Variants in PRDM10 observed in about 807,000 individuals in gnomAD.
The protein encoded by PRDM10 is PR/SET domain 10.
In PRDM10, 65 loss-of-function variants were observed where a neutral mutation model predicts 133.1. The observed-to-expected ratio is 0.49, with a 90% CI of 0.40 to 0.60. PRDM10 has a LOEUF of 0.60. Ranked by LOEUF, PRDM10 falls within the 20% of genes least tolerant of loss-of-function variation. PRDM10 has a pLI of 0.00. For missense variants in PRDM10, 1,137 were observed against 1,507.1 expected (o/e 0.75, Z 4.07); for synonymous variants, 582 against 580.4 (o/e 1.00, Z -0.04).
At chr11:129,907,057 G>A (rs1289852301) in intron 19 of PRDM10, among the ~76,000 whole-genome samples, 1 of 151,598 alleles carries the variant, frequency 6.6e-6, no homozygotes, top group Non-Finnish European at 1.5e-5. Flanking sequence ...AATAAACATC[G>A]ATGGCTCCTA....
chr11:129,923,095 A>G lies in PRDM10; in HGVS notation c.2034+153T>C, dbSNP rs1340390888. ...TGAGTAAGTTTTCCCCCTTAATTTT[A>G]TAACTAAGTCAAACACAAGGCCCAA... On this transcript the variant is annotated intron_variant, in intron 13 of 20. Coordinates refer to ENST00000360871, the MANE Select transcript of PRDM10 (RefSeq NM_199437.2). This position sits in a 1 kb window ranked among gnomAD's most constrained non-coding sequence, Gnocchi z 4.4. Among the ~76,000 whole-genome samples the G allele has an allele frequency of 1.3e-5, 2 of 152,202 alleles. No individual in the cohort carries two copies. The highest frequency in any genetic ancestry group is 4.8e-5 in the African/African-American group (2 of 41,458).
Position 129,932,205 on chromosome 11 carries a change from C to T in PRDM10, c.1184G>A (p.Gly395Asp). ...SRTRGRGRGR[G>D]KRRFGPGRRP... The stretch of plus-strand genomic sequence containing the variant: ...TCGACCTGGACCGAATCGCCTCTTG[C>T]CTCGTCCCCTTCCTCTGCCTCTTGT... Residue 395 changes from glycine (G) to aspartate (D), a missense_variant, in exon 10 of 21, where the codon GGC (glycine) becomes GAC (aspartate). Around this residue, in one of 6 missense-constraint regions of PRDM10, gnomAD observed 635 missense variants for 835.2 expected, o/e 0.76. Coordinates refer to ENST00000360871, the MANE Select transcript of PRDM10 (RefSeq NM_199437.2). 1.9e-6 allele frequency: 3 copies of T among 1,614,070 alleles called. No homozygotes were observed. The highest frequency in any genetic ancestry group is 1.7e-6 in the Non-Finnish European group (2 of 1,179,988).
In PRDM10 at chr11:129,947,577, G is replaced by C; in HGVS notation, c.295-207C>G. 7.0e-7 allele frequency: 1 copy of C among 1,428,638 alleles called. No homozygotes were observed. Among genetic ancestry groups the C allele is most frequent in the Non-Finnish European group, 9.2e-7 (1 of 1,092,566 alleles). The allele number at this position is 1,428,638 out of a possible 1,614,324, so 88.5% of individuals were successfully genotyped here. On this transcript the variant is annotated intron_variant, in intron 4 of 20. Coordinates refer to ENST00000360871, the MANE Select transcript of PRDM10 (RefSeq NM_199437.2). This position sits in a 1 kb window ranked among gnomAD's most constrained non-coding sequence, Gnocchi z 4.6. ...TGATCTGACTGCTCACAGCCTTTAAGCCTCTGCCCTCCCTCTGCCCCTTCT... is the reference window on the plus strand; with the variant it reads ...TGATCTGACTGCTCACAGCCTTTAACCCTCTGCCCTCCCTCTGCCCCTTCT...
chr11:129,967,624 T>G (rs1348441630), intron 1 of PRDM10, among the ~76,000 whole-genome samples: 1 of 152,106 alleles, frequency 6.6e-6, no homozygotes, highest in Non-Finnish European at 1.5e-5. Flanking sequence ...TGGCAAGCAC[T>G]GGGGAGAAAA....
chr11:129,948,115 T>C, intron 4 of PRDM10: 1 of 456,434 alleles, frequency 2.2e-6, no homozygotes, highest in South Asian at 1.5e-5. Context: ...CTCCTGCAAA[T>C]AAGACACAGT....
chr11:129,947,687 G>C lies in PRDM10; in HGVS notation c.295-317C>G. On this transcript the variant is annotated intron_variant, in intron 4 of 20. Transcript: ENST00000360871. This position sits in a 1 kb window ranked among gnomAD's most constrained non-coding sequence, Gnocchi z 4.6. ...GGAGAGTCAACACTGGCAAGGCCCT[G>C]ACCACCTGCGTCCTGACCCCACCCC... is the stretch of plus-strand genomic sequence containing the variant. 1 of 642,732 alleles carries C rather than the reference G, an allele frequency of 1.6e-6. No homozygotes were observed. The highest frequency in any genetic ancestry group is 2.5e-6 in the Non-Finnish European group (1 of 404,876). 39.8% of individuals were successfully genotyped at this position (642,732 alleles called of 1,614,324 possible).
At chr11:129,939,878 A>G (rs1472985350) in intron 7 of PRDM10, among the ~76,000 whole-genome samples, 1 of 152,248 alleles carries the variant, frequency 6.6e-6, no homozygotes, top group African/African-American at 2.4e-5. Flanking sequence ...AGTTCAATCA[A>G]ATGGGAAAGC....
chr11:129,942,678 G>T, intron 6 of PRDM10, 49 bp from the exon 7 acceptor site: 2 of 1,474,100 alleles, frequency 1.4e-6, no homozygotes, highest in South Asian at 2.4e-5. Flanking sequence ...CCTTCAATAT[G>T]AGACACATTT....
At chr11:129,952,094 C>T (rs894029872) in intron 4 of PRDM10, among the ~76,000 whole-genome samples, 2 of 152,122 alleles carry the variant, frequency 1.3e-5, no homozygotes, top group African/African-American at 4.8e-5. Flanking sequence ...GATGCTAAGC[C>T]AATAGTTACA....
intron 8 of PRDM10, among the ~76,000 whole-genome samples, chr11:129,936,974 T>C (rs73016870): frequency 0.08 from 12,133 of 152,258 alleles, 516 homozygotes; most frequent in Admixed American, 0.13. Context: ...TGTGGATGAA[T>C]CTCACAAATA....
Position 129,901,470 on chromosome 11 carries a change from A to G in PRDM10, c.*843T>C, listed in dbSNP as rs1949842985. ...TCAATACTTTCTCTCTCTCTCTCTC[A>G]ATAGTTTTGGAAATTTTTCTTGGTA... is the stretch of plus-strand genomic sequence containing the variant. On this transcript the variant is annotated 3_prime_UTR_variant, in exon 21 of 21. Transcript: ENST00000360871. 6.6e-6 allele frequency: 1 copy of G among 151,522 alleles called. No individual in the cohort carries two copies. Among genetic ancestry groups the G allele is most frequent in the South Asian group, 2.1e-4 (1 of 4,800 alleles). 9.4% of individuals were successfully genotyped at this position (151,522 alleles called of 1,614,324 possible). A position where few individuals can be genotyped will look rare whatever the true frequency, so the allele number is the denominator to read the frequency against.
Position 129,923,314 on chromosome 11 carries a change from T to C in PRDM10, c.1968A>G (p.Arg656=), listed in dbSNP as rs1207738207. 1.9e-6 allele frequency: 3 copies of C among 1,607,116 alleles called. No individual in the cohort carries two copies. Among genetic ancestry groups the C allele is most frequent in the Non-Finnish European group, 2.5e-6 (3 of 1,176,852 alleles). Residue 656 remains arginine (R), a synonymous_variant, in exon 13 of 21, where the codon CGA becomes CGG. Coordinates refer to ENST00000360871, the MANE Select transcript of PRDM10 (RefSeq NM_199437.2). This position sits in a 1 kb window ranked among gnomAD's most constrained non-coding sequence, Gnocchi z 4.4. ...GGTCCGAATGCCGGAGCATGTGGAGTCGCAGTTTATCGGGGCGACAGAAGG... is the reference window on the plus strand; with the variant it reads ...GGTCCGAATGCCGGAGCATGTGGAGCCGCAGTTTATCGGGGCGACAGAAGG... ...DKAFCRPDKL[R]LHMLRHSDRK...
intron 1 of PRDM10, among the ~76,000 whole-genome samples, chr11:129,985,797 AAAAAAAAAAAAAATATAT>A (rs1361342596): frequency 4.3e-4 from 52 of 120,464 alleles, no homozygotes; most frequent in African/African-American, 2.0e-3. Flanking sequence ...AAAAAAAAAA[AAAAAAAAAAAAAATATAT>A]ATATATATAT....
intron 1 of PRDM10, among the ~76,000 whole-genome samples, chr11:129,966,030 G>T (rs1388399684): frequency 6.6e-6 from 1 of 152,026 alleles, no homozygotes; most frequent in Non-Finnish European, 1.5e-5. Context: ...GATCACTTGA[G>T]GTCAGGAGTT....
At chr11:129,914,466 A>C in intron 17 of PRDM10, 1 of 599,842 alleles carries the variant, frequency 1.7e-6, no homozygotes, top group Non-Finnish European at 3.0e-6. Flanking sequence ...GCCACAGCAC[A>C]GGAGGCTTGT....
At chr11:129,961,504 C>T (rs1951795193) in intron 1 of PRDM10, among the ~76,000 whole-genome samples, 1 of 151,970 alleles carries the variant, frequency 6.6e-6, no homozygotes, top group Non-Finnish European at 1.5e-5. Context: ...TGTGTTTTCA[C>T]CATGTTGGCC....
chr11:129,976,585 A>C (rs967411938), intron 1 of PRDM10, among the ~76,000 whole-genome samples: 2 of 152,258 alleles, frequency 1.3e-5, no homozygotes, highest in African/African-American at 4.8e-5. Flanking sequence ...GCAGCTGCTG[A>C]TGACCACATG....
In PRDM10 at chr11:129,931,043, G is replaced by T. The variant is rs866087947; in HGVS notation, c.1503C>A (p.Asp501Glu). 3.7e-6 allele frequency: 6 copies of T among 1,613,626 alleles called. No homozygotes were observed. Among genetic ancestry groups the T allele is most frequent in the African/African-American group, 1.3e-5 (1 of 74,920 alleles). Residue 501 changes from aspartate (D) to glutamate (E), a missense_variant, in exon 11 of 21, where the codon GAC (aspartate) becomes GAA (glutamate). Asp to Glu is a conservative substitution (Grantham distance 45). This residue lies in a region of PRDM10 where 635 missense variants were observed against 835.2 expected (regional missense o/e 0.76). Coordinates refer to ENST00000360871, the MANE Select transcript of PRDM10 (RefSeq NM_199437.2). ...VVPTQSTLTA[D>E]DMRRAKRIRN... Reference sequence around the variant, plus strand: ...GGATGCGCTTGGCTCTGCGCATGTCGTCGGCTGTCAGCGTGCTCTGGGTGG... The same window carrying T: ...GGATGCGCTTGGCTCTGCGCATGTCTTCGGCTGTCAGCGTGCTCTGGGTGG...
At position 129,952,157 on chromosome 11, in the gene PRDM10, A is replaced by C. The variant is rs145107380; in HGVS notation, c.294+3355T>G. On this transcript the variant is annotated intron_variant, in intron 4 of 20. Transcript: ENST00000360871. ...GCTGAGTACAACTTTCCTTTTGAGC[A>C]AAACATGAAACAAGCAGATTGTTTC... 3.1e-3 allele frequency among the ~76,000 whole-genome samples: 475 copies of C among 152,346 alleles called. 4 individuals carry two copies. Among genetic ancestry groups the C allele is most frequent in the African/African-American group, 0.011 (443 of 41,578 alleles).
Sources: allele counts gnomAD v4.1 joint callset (sites outside exome capture counted in the v4.1 genomes callset), GRCh38; gene constraint gnomAD v4.1.1; regional missense constraint gnomAD v4.1.1; non-coding constraint Gnocchi (gnomAD v3.1); transcripts MANE v1.5; gene names NCBI Gene and HGNC (gene_info 2026-07-23, HGNC 2026-07-21).